PTPRD: variants seen among roughly 807,000 people sequenced by gnomAD.
PTPRD encodes receptor-type tyrosine-protein phosphatase delta.
Under a neutral mutation model 214.5 loss-of-function variants are expected in PTPRD, and 34 were observed. The observed-to-expected ratio is 0.16, with a 90% confidence interval of 0.12 to 0.21. The LOEUF (loss-of-function observed/expected upper bound fraction) is 0.21, where lower values mean the gene tolerates loss of function less well. Ranked by LOEUF, PTPRD falls within the 10% of genes least tolerant of loss-of-function variation. PTPRD has a pLI of 1.00. For missense variants in PTPRD, 2,545 were observed against 2,398.7 expected, an observed-to-expected ratio of 1.06 and a Z score of -1.27; for synonymous variants, 1,128 against 845.7, an observed-to-expected ratio of 1.33 and a Z score of -5.79.
intron 11 of PTPRD, among the ~76,000 whole-genome samples, chr9:8,980,376 A>G (rs1253803934): frequency 6.6e-6 from 1 of 152,014 alleles, no homozygotes; most frequent in Non-Finnish European, 1.5e-5. Context: ...AAATAAGTAG[A>G]TTTTAGCTGC....
intron 9 of PTPRD, among the ~76,000 whole-genome samples, chr9:9,281,115 C>G (rs1450808691): frequency 6.6e-6 from 1 of 151,018 alleles, no homozygotes; most frequent in East Asian, 2.0e-4. Context: ...GACTCAAAAG[C>G]AAACATAGAC....
At chr9:10,068,021 T>C (rs761914371) in intron 3 of PTPRD, among the ~76,000 whole-genome samples, 3 of 151,972 alleles carry the variant, frequency 2.0e-5, no homozygotes, top group Non-Finnish European at 4.4e-5. Context: ...TTTCCTTCTA[T>C]ATTTCTGATA....
rs2092459751 is a variant in PTPRD at position 9,453,013 on chromosome 9, C to A, written c.-236-55531G>T. On this transcript the variant is annotated intron_variant, in intron 8 of 45. Transcript: ENST00000381196. ...ATTTTGTGTGACATTTAACTGAAGCCTATTTTATTTTTTTTTTTTGCTCCA... is the reference window on the plus strand; with the variant it reads ...ATTTTGTGTGACATTTAACTGAAGCATATTTTATTTTTTTTTTTTGCTCCA... Among the ~76,000 whole-genome samples the A allele has an allele frequency of 8.1e-5, 6 of 74,274 alleles. 1 individual carries two copies. 48.7% of individuals were successfully genotyped at this position (74,274 alleles called of 152,430 possible). A position where few individuals can be genotyped will look rare whatever the true frequency, so the allele number is the denominator to read the frequency against.
At chr9:9,325,636 A>C (rs1242371388) in intron 9 of PTPRD, among the ~76,000 whole-genome samples, 1 of 152,176 alleles carries the variant, frequency 6.6e-6, no homozygotes, top group Non-Finnish European at 1.5e-5. Flanking sequence ...TGTCATCTGC[A>C]AACAAGGACA....
chr9:8,753,704 C>G (rs2154465747), intron 11 of PTPRD, among the ~76,000 whole-genome samples: 1 of 152,236 alleles, frequency 6.6e-6, no homozygotes, highest in Non-Finnish European at 1.5e-5. Context: ...CTTAAATGTG[C>G]TATTTATAGC....
chr9:10,214,148 T>A lies in PTPRD; in HGVS notation c.-545+126815A>T, dbSNP rs890122623. 2.0e-5 allele frequency among the ~76,000 whole-genome samples: 3 copies of A among 152,154 alleles called. No homozygotes were observed. In the South Asian group the frequency reaches 6.2e-4, roughly 31 times the overall value. Reference sequence around the variant, plus strand: ...AGTATGCTTTGCTTTAATTTTTACATCACATGCAATCATTCTATTTAAATG... The same window carrying A: ...AGTATGCTTTGCTTTAATTTTTACAACACATGCAATCATTCTATTTAAATG... On this transcript the variant is annotated intron_variant, in intron 3 of 45. Transcript: ENST00000381196.
In PTPRD at chr9:9,108,380, C is replaced by T. The variant is rs191804475; in HGVS notation, c.-143+74924G>A. Among the ~76,000 whole-genome samples, 376 of 152,200 alleles carry T rather than the reference C, an allele frequency of 2.5e-3. 2 individuals are homozygous for T. Among genetic ancestry groups the T allele is most frequent in the Middle Eastern group, 6.8e-3 (2 of 294 alleles). On this transcript the variant is annotated intron_variant, in intron 10 of 45. Transcript: ENST00000381196. ...GAAATAAATTTAGTATTAACATGAG[C>T]GGTTGCATTAGTTTAGGTAGGCTGT...
intron 8 of PTPRD, among the ~76,000 whole-genome samples, chr9:9,528,043 G>A (rs1194550008): frequency 6.6e-6 from 1 of 152,166 alleles, no homozygotes; most frequent in Non-Finnish European, 1.5e-5. Context: ...GGCATTTCTA[G>A]GCAAGCAAAG....
intron 2 of PTPRD, among the ~76,000 whole-genome samples, chr9:10,459,665 T>A (rs1016734403): frequency 1.3e-5 from 2 of 152,102 alleles, no homozygotes; most frequent in African/African-American, 4.8e-5. Flanking sequence ...TGAAGAGCTT[T>A]TTTTTTTTCA....
chr9:9,152,269 C>T (rs2099877490), intron 10 of PTPRD, among the ~76,000 whole-genome samples: 1 of 152,164 alleles, frequency 6.6e-6, no homozygotes, highest in African/African-American at 2.4e-5. Context: ...CATGTAGAGA[C>T]ATTACCCGTG....
intron 2 of PTPRD, among the ~76,000 whole-genome samples, chr9:10,571,793 C>T (rs575770552): frequency 4.6e-5 from 7 of 152,220 alleles, no homozygotes; most frequent in South Asian, 2.1e-4. Context: ...AAGGAACAGG[C>T]GACCTAGATC....
At chr9:10,407,680 T>C (rs2098386136) in intron 2 of PTPRD, among the ~76,000 whole-genome samples, 2 of 151,572 alleles carry the variant, frequency 1.3e-5, no homozygotes. Context: ...GGTTTCTATA[T>C]CAGTATGTTT....
At chr9:9,915,192 C>T (rs1010217786) in intron 5 of PTPRD, among the ~76,000 whole-genome samples, 5 of 152,248 alleles carry the variant, frequency 3.3e-5, no homozygotes, top group African/African-American at 4.8e-5. Flanking sequence ...GGCCCACACA[C>T]CCTACCAAAC....
intron 14 of PTPRD, among the ~76,000 whole-genome samples, chr9:8,581,435 T>A (rs4742523): frequency 0.023 from 3,565 of 152,080 alleles, 143 homozygotes; most frequent in East Asian, 0.11. Context: ...AAGGGACACA[T>A]AAACATCATA....
At chr9:9,182,335 G>A (rs549847042) in intron 10 of PTPRD, among the ~76,000 whole-genome samples, 30 of 152,102 alleles carry the variant, frequency 2.0e-4, no homozygotes, top group African/African-American at 7.0e-4. Flanking sequence ...TAGGGACGGT[G>A]ATATTCTTTT....
At chr9:9,717,097 T>C (rs2097848893) in intron 7 of PTPRD, among the ~76,000 whole-genome samples, 1 of 152,082 alleles carries the variant, frequency 6.6e-6, no homozygotes, top group Non-Finnish European at 1.5e-5. Context: ...GCACCATTTA[T>C]TAAATAGGGA....
chr9:8,881,716 C>G (rs1465326439), intron 11 of PTPRD, among the ~76,000 whole-genome samples: 2 of 152,096 alleles, frequency 1.3e-5, no homozygotes, highest in East Asian at 3.9e-4. Flanking sequence ...TAAGGACAAA[C>G]AGAATTGACC....
At chr9:10,046,713 C>T (rs1380503527) in intron 3 of PTPRD, among the ~76,000 whole-genome samples, 1 of 151,914 alleles carries the variant, frequency 6.6e-6, no homozygotes, top group Non-Finnish European at 1.5e-5. Flanking sequence ...GATGATTGCA[C>T]TCAGAGAGCA....
intron 8 of PTPRD, chr9:9,441,980 A>G (rs919642182): frequency 2.6e-5 from 4 of 152,252 alleles, no homozygotes; most frequent in African/African-American, 9.6e-5. Context: ...TTCAAGATAT[A>G]TCTTATTCAA....
Sources: gnomAD v4.1 joint callset for allele counts (sites outside exome capture counted in the v4.1 genomes callset) on GRCh38, gnomAD v4.1.1 for gene constraint, MANE v1.5 for transcripts, NCBI Gene and HGNC (gene_info 2026-07-23, HGNC 2026-07-21) for gene names.